EXOC8: variants seen among roughly 807,000 people sequenced by gnomAD.
EXOC8 encodes exocyst complex 84 kDa subunit.
In EXOC8, 19 loss-of-function variants were observed where a neutral mutation model predicts 50.8. The observed-to-expected ratio is 0.37, with a 90% CI of 0.26 to 0.55. The LOEUF is 0.55. Ranked by LOEUF, EXOC8 falls within the 20% of genes least tolerant of loss-of-function variation. The pLI is 0.80. For synonymous variants in EXOC8, 384 were observed against 367.9 expected (o/e 1.04, Z -0.50); for missense variants, 781 against 915.8 (o/e 0.85, Z 1.90).
chr1:231,337,196 C>T lies in EXOC8; in HGVS notation c.550G>A (p.Val184Met). The change falls in exon 1 of 1, where the codon GTG becomes ATG. Residue 184 changes from valine (V) to methionine (M), a missense_variant. Physicochemically the swap from Val to Met is conservative, Grantham distance 21. Around this residue, in one of 3 missense-constraint regions of EXOC8, gnomAD observed 700 missense variants for 804.1 expected, o/e 0.87. Transcript: ENST00000366645. The surrounding 1 kb of genome is among the most constrained non-coding windows in gnomAD (Gnocchi z 5.9). ...HLLETPGQYL[V>M]YNGDLVEYDA... The stretch of plus-strand genomic sequence containing the variant: ...TATTCCACTAGGTCCCCATTGTACA[C>T]CAAGTACTGTCCCGGCGTCTCCAGC... 6.2e-7 allele frequency: 1 copy of T among 1,614,102 alleles called. No individual in the cohort carries two copies. The highest frequency in any genetic ancestry group is 8.5e-7 in the Non-Finnish European group (1 of 1,180,036).
Position 231,336,126 on chromosome 1 carries a change from G to T in EXOC8, c.1620C>A (p.Thr540=). 6.2e-7 allele frequency: 1 copy of T among 1,614,176 alleles called. No homozygotes were observed. Among genetic ancestry groups the T allele is most frequent in the Non-Finnish European group, 8.5e-7 (1 of 1,180,034 alleles). ...QQLGDIGLDL[T]FIIHALLVKD... is the part of the protein sequence containing the mutation. ...TCACCAGAAGGGCATGGATGATGAA[G>T]GTGAGATCCAGTCCGATATCACCCA... Residue 540 remains threonine, a synonymous_variant, in exon 1 of 1, where the codon ACC becomes ACA. Coordinates refer to ENST00000366645, the MANE Select transcript of EXOC8 (RefSeq NM_175876.5). The surrounding 1 kb of genome is among the most constrained non-coding windows in gnomAD (Gnocchi z 5.4).
chr1:231,335,446 G>A lies in EXOC8; in HGVS notation c.*122C>T, dbSNP rs774473531. 6.4e-6 allele frequency: 6 copies of A among 933,246 alleles called. No individual in the cohort carries two copies. The African/African-American group carries it at 1.0e-4, about 16-fold the overall frequency. The allele number at this position is 933,246 out of a possible 1,614,324, so 57.8% of individuals were successfully genotyped here. A position where few individuals can be genotyped will look rare whatever the true frequency, so the allele number is the denominator to read the frequency against. On this transcript the variant is annotated 3_prime_UTR_variant, in exon 1 of 1. Transcript: ENST00000366645. Reference sequence around the variant, plus strand: ...CTTTTTGATTTTTGTATTTTTAAGAGGGCACTTTTAATTTTCAAGTTGTGT... The same window carrying A: ...CTTTTTGATTTTTGTATTTTTAAGAAGGCACTTTTAATTTTCAAGTTGTGT...
chr1:231,337,747 T>A lies in EXOC8; in HGVS notation c.-2A>T. 6.3e-7 allele frequency: 1 copy of A among 1,589,564 alleles called. No individual in the cohort carries two copies. The highest frequency in any genetic ancestry group is 8.6e-7 in the Non-Finnish European group (1 of 1,168,750). ...ACTGTCCGACATCGCCATCGCCATT[T>A]CTCTCCGGGTCTCACGCACTCACTG... On this transcript the variant is annotated 5_prime_UTR_variant, in exon 1 of 1. Transcript: ENST00000366645. The surrounding 1 kb of genome is among the most constrained non-coding windows in gnomAD (Gnocchi z 5.9).
In EXOC8 at chr1:231,336,561, A is replaced by C. The variant is rs1168465097; in HGVS notation, c.1185T>G (p.Val395=). 2 of 1,613,994 alleles carry C rather than the reference A, an allele frequency of 1.2e-6. No homozygotes were observed. Among genetic ancestry groups the C allele is most frequent in the Admixed American group, 3.3e-5 (2 of 59,996 alleles). The change falls in exon 1 of 1, where the codon GTT becomes GTG. Residue 395 remains valine (V), a synonymous_variant. Coordinates refer to ENST00000366645, the MANE Select transcript of EXOC8 (RefSeq NM_175876.5). The surrounding 1 kb of genome is among the most constrained non-coding windows in gnomAD (Gnocchi z 5.4). ...ERVRQLTEVL[V]FELSPDRSLR... The stretch of plus-strand genomic sequence containing the variant: ...GGGAACGATCTGGGGAGAGTTCGAA[A>C]ACTAGCACCTCAGTGAGCTGTCGAA...
In EXOC8 at chr1:231,336,665, C is replaced by T; in HGVS notation, c.1081G>A (p.Asp361Asn). 1 of 1,614,194 alleles carries T rather than the reference C, an allele frequency of 6.2e-7. No individual in the cohort carries two copies. The highest frequency in any genetic ancestry group is 8.5e-7 in the Non-Finnish European group (1 of 1,180,042). ...RDFEGAVDLL[D>N]KLNHYLEDKP... ...TCTTCCAGGTAATGGTTCAATTTAT[C>T]CAGCAGGTCAACCGCCCCTTCAAAG... The change falls in exon 1 of 1, where the codon GAT (aspartate) becomes AAT (asparagine). Residue 361 changes from aspartate to asparagine, a missense_variant. Physicochemically the swap from Asp to Asn is conservative, Grantham distance 23. Transcript: ENST00000366645. This position sits in a 1 kb window ranked among gnomAD's most constrained non-coding sequence, Gnocchi z 5.4.
rs1336690161 is a variant in EXOC8, at chr1:231,334,461, ATC to A, written c.*1105_*1106del. 6.6e-6 allele frequency: 1 copy of A among 152,216 alleles called. No homozygotes were observed. The highest frequency in any genetic ancestry group is 1.5e-5 in the Non-Finnish European group (1 of 68,042). 9.4% of individuals were successfully genotyped at this position (152,216 alleles called of 1,614,324 possible). A position where few individuals can be genotyped will look rare whatever the true frequency, so the allele number is the denominator to read the frequency against. Reference sequence around the variant, plus strand: ...GAATGGGGGAAGATGGGACAGCTATATCTCATACTGAAGCGGTGGCAGCTAAA... The same window carrying A: ...GAATGGGGGAAGATGGGACAGCTATATCATACTGAAGCGGTGGCAGCTAAA... On this transcript the variant is annotated 3_prime_UTR_variant, in exon 1 of 1. Coordinates refer to ENST00000366645, the MANE Select transcript of EXOC8 (RefSeq NM_175876.5).
At position 231,337,493 on chromosome 1, in the gene EXOC8, A is replaced by G; in HGVS notation, c.253T>C (p.Tyr85His). 6.2e-7 allele frequency: 1 copy of G among 1,613,142 alleles called. No homozygotes were observed. The highest frequency in any genetic ancestry group is 1.1e-5 in the South Asian group (1 of 91,066). ...TCGGTCAGCAAATGGCTGAGCTGGT[A>G]CATCTCGCTCTCCAGGTAGGAGATC... The part of the protein sequence containing the change: ...REISYLESEM[Y>H]QLSHLLTEQK... The change falls in exon 1 of 1, where the codon TAC becomes CAC. Residue 85 changes from tyrosine (Y) to histidine (H), a missense_variant. Coordinates refer to ENST00000366645, the MANE Select transcript of EXOC8 (RefSeq NM_175876.5). This position sits in a 1 kb window ranked among gnomAD's most constrained non-coding sequence, Gnocchi z 5.9.
In EXOC8 at chr1:231,334,894, G is replaced by A. The variant is rs1189678409; in HGVS notation, c.*674C>T. The A allele has an allele frequency of 6.6e-6, 1 of 152,026 alleles. No homozygotes were observed. The highest frequency in any genetic ancestry group is 6.5e-5 in the Admixed American group (1 of 15,274). The allele number at this position is 152,026 out of a possible 1,614,324, so 9.4% of individuals were successfully genotyped here. On this transcript the variant is annotated 3_prime_UTR_variant, in exon 1 of 1. Coordinates refer to ENST00000366645, the MANE Select transcript of EXOC8 (RefSeq NM_175876.5). ...GTTTTGAGGAGAAATATATGAGGCA[G>A]GTTGTTTTATACGGCACTGTACCCT...
Position 231,337,787 on chromosome 1 carries a change from G to C in EXOC8, c.-42C>G. The C allele has an allele frequency of 6.5e-7, 1 of 1,540,414 alleles. No individual in the cohort carries two copies. Among genetic ancestry groups the C allele is most frequent in the Non-Finnish European group, 8.7e-7 (1 of 1,145,824 alleles). On this transcript the variant is annotated 5_prime_UTR_variant, in exon 1 of 1. Coordinates refer to ENST00000366645, the MANE Select transcript of EXOC8 (RefSeq NM_175876.5). This position sits in a 1 kb window ranked among gnomAD's most constrained non-coding sequence, Gnocchi z 5.9. ...CGCACTCACTGTCACTATCGGCGCCGCAGCCGCCGCGGCTGTCTAGACCCA... is the reference window on the plus strand; with the variant it reads ...CGCACTCACTGTCACTATCGGCGCCCCAGCCGCCGCGGCTGTCTAGACCCA...
Position 231,336,305 on chromosome 1 carries a change from T to C in EXOC8, c.1441A>G (p.Thr481Ala), listed in dbSNP as rs769201213. The C allele has an allele frequency of 5.0e-6, 8 of 1,614,134 alleles. No individual in the cohort carries two copies. The South Asian group carries it at 5.5e-5, about 11-fold the overall frequency. ...AREFEIDFAG[T>A]DSGCYSAFVV... is the part of the protein sequence containing the mutation. ...AAGGCAGAGTAGCAGCCGCTGTCAGTGCCTGCAAAATCGATCTCAAATTCT... is the reference window on the plus strand; with the variant it reads ...AAGGCAGAGTAGCAGCCGCTGTCAGCGCCTGCAAAATCGATCTCAAATTCT... Residue 481 changes from threonine to alanine, a missense_variant, in exon 1 of 1, where the codon ACT (threonine) becomes GCT (alanine). Transcript: ENST00000366645. This position sits in a 1 kb window ranked among gnomAD's most constrained non-coding sequence, Gnocchi z 5.4.
Position 231,337,451 on chromosome 1 carries a change from C to G in EXOC8, c.295G>C (p.Glu99Gln). The G allele has an allele frequency of 6.2e-7, 1 of 1,611,932 alleles. No homozygotes were observed. Among genetic ancestry groups the G allele is most frequent in the East Asian group, 2.2e-5 (1 of 44,868 alleles). ...HLLTEQKSSLESIPLTLLPAA... is the reference protein window; with the variant it reads ...HLLTEQKSSLQSIPLTLLPAA... ...GGCAGCAACGTAAGCGGGATGCTCT[C>G]CAGGCTGCTTTTCTGCTCGGTCAGC... is the stretch of plus-strand genomic sequence containing the variant. The change falls in exon 1 of 1, where the codon GAG (glutamate) becomes CAG (glutamine). Residue 99 changes from glutamate (E) to glutamine (Q), a missense_variant. Physicochemically the swap from Glu to Gln is conservative, Grantham distance 29. This residue lies in a region of EXOC8 where 700 missense variants were observed against 804.1 expected (regional missense o/e 0.87). Transcript: ENST00000366645. This position sits in a 1 kb window ranked among gnomAD's most constrained non-coding sequence, Gnocchi z 5.9.
Position 231,333,879 on chromosome 1 carries a change from TCA to T in EXOC8, c.*1687_*1688del, listed in dbSNP as rs1389312666. 4 of 152,228 alleles carry T rather than the reference TCA, an allele frequency of 2.6e-5. No homozygotes were observed. Among genetic ancestry groups the T allele is most frequent in the Admixed American group, 6.5e-5 (1 of 15,286 alleles). The allele number at this position is 152,228 out of a possible 1,614,324, so 9.4% of individuals were successfully genotyped here. A position where few individuals can be genotyped will look rare whatever the true frequency, so the allele number is the denominator to read the frequency against. On this transcript the variant is annotated 3_prime_UTR_variant, in exon 1 of 1. Transcript: ENST00000366645. ...AACTACTTTAGGTTTCACATAATTT[TCA>T]CAGTCTTAGTACCACCATTTTCATT...
rs1192917986 is a variant in EXOC8 at position 231,336,746 on chromosome 1, T to C, written c.1000A>G (p.Met334Val). 6 of 1,614,094 alleles carry C rather than the reference T, an allele frequency of 3.7e-6. No homozygotes were observed. Among genetic ancestry groups the C allele is most frequent in the Middle Eastern group, 1.6e-4 (1 of 6,084 alleles). Residue 334 changes from methionine to valine, a missense_variant, in exon 1 of 1, where the codon ATG becomes GTG. Transcript: ENST00000366645. The surrounding 1 kb of genome is among the most constrained non-coding windows in gnomAD (Gnocchi z 5.4). Reference protein sequence around the residue: ...EVEEEKVDLSMEWIQELPEDL... With the variant: ...EVEEEKVDLSVEWIQELPEDL... Reference sequence around the variant, plus strand: ...TCAGGTAACTCCTGGATCCATTCCATGGAGAGGTCCACCTTCTCTTCCTCT... The same window carrying C: ...TCAGGTAACTCCTGGATCCATTCCACGGAGAGGTCCACCTTCTCTTCCTCT...
Position 231,336,611 on chromosome 1 carries a change from G to A in EXOC8, c.1135C>T (p.Leu379=). ...DKPSPPPVKE[L]RAKVEERVRQ... is the part of the protein sequence containing the mutation. ...ACTCGCTCCTCCACTTTGGCCCTTAGTTCTTTTACAGGAGGTGGGCTAGGT... is the reference window on the plus strand; with the variant it reads ...ACTCGCTCCTCCACTTTGGCCCTTAATTCTTTTACAGGAGGTGGGCTAGGT... The change falls in exon 1 of 1, where the codon CTA becomes TTA. Residue 379 remains leucine (L), a synonymous_variant. Transcript: ENST00000366645. This position sits in a 1 kb window ranked among gnomAD's most constrained non-coding sequence, Gnocchi z 5.4. The A allele has an allele frequency of 3.1e-6, 5 of 1,614,126 alleles. No homozygotes were observed. Among genetic ancestry groups the A allele is most frequent in the Non-Finnish European group, 4.2e-6 (5 of 1,180,030 alleles).
rs1318292185 is a variant in EXOC8, at chr1:231,336,348, G to A, written c.1398C>T (p.Ser466=). ...IHKLCHVFFT[S]LLETAREFEI... ...CAAATTCTCTTGCAGTCTCGAGAAG[G>A]CTGGTAAAGAAGACATGGCACAGCT... Residue 466 remains serine, a synonymous_variant, in exon 1 of 1, where the codon AGC becomes AGT. Coordinates refer to ENST00000366645, the MANE Select transcript of EXOC8 (RefSeq NM_175876.5). This position sits in a 1 kb window ranked among gnomAD's most constrained non-coding sequence, Gnocchi z 5.4. 6.2e-7 allele frequency: 1 copy of A among 1,614,086 alleles called. No homozygotes were observed. The highest frequency in any genetic ancestry group is 1.7e-5 in the Admixed American group (1 of 60,028).
Position 231,335,449 on chromosome 1 carries a change from C to T in EXOC8, c.*119G>A, listed in dbSNP as rs1686644597. 1 of 951,926 alleles carries T rather than the reference C, an allele frequency of 1.1e-6. No individual in the cohort carries two copies. Among genetic ancestry groups the T allele is most frequent in the Non-Finnish European group, 1.4e-6 (1 of 720,026 alleles). The allele number at this position is 951,926 out of a possible 1,614,324, so 59.0% of individuals were successfully genotyped here. ...TTTGATTTTTGTATTTTTAAGAGGGCACTTTTAATTTTCAAGTTGTGTTTG... is the reference window on the plus strand; with the variant it reads ...TTTGATTTTTGTATTTTTAAGAGGGTACTTTTAATTTTCAAGTTGTGTTTG... On this transcript the variant is annotated 3_prime_UTR_variant, in exon 1 of 1. Transcript: ENST00000366645.
rs1244274044 is a variant in EXOC8 at position 231,337,776 on chromosome 1, C to T, written c.-31G>A. On this transcript the variant is annotated 5_prime_UTR_variant, in exon 1 of 1. The change creates a new upstream start codon in the 5' untranslated region. Transcript: ENST00000366645. This position sits in a 1 kb window ranked among gnomAD's most constrained non-coding sequence, Gnocchi z 5.9. The stretch of plus-strand genomic sequence containing the variant: ...TCCGGGTCTCACGCACTCACTGTCA[C>T]TATCGGCGCCGCAGCCGCCGCGGCT... 1.3e-6 allele frequency: 2 copies of T among 1,549,934 alleles called. No individual in the cohort carries two copies. Among genetic ancestry groups the T allele is most frequent in the African/African-American group, 1.4e-5 (1 of 72,546 alleles).
chr1:231,336,152 G>C lies in EXOC8; in HGVS notation c.1594C>G (p.Leu532Val). 6.2e-7 allele frequency: 1 copy of C among 1,614,170 alleles called. No individual in the cohort carries two copies. Among genetic ancestry groups the C allele is most frequent in the Non-Finnish European group, 8.5e-7 (1 of 1,180,030 alleles). ...GTGAGATCCAGTCCGATATCACCCA[G>C]TTGCTGGCAATGCTCCTTAGCCACT... ...VKVAKEHCQQ[L>V]GDIGLDLTFI... Residue 532 changes from leucine to valine, a missense_variant, in exon 1 of 1, where the codon CTG (leucine) becomes GTG (valine). Leu to Val is a conservative substitution (Grantham distance 32, BLOSUM62 1). This residue lies in a region of EXOC8 where 700 missense variants were observed against 804.1 expected (regional missense o/e 0.87). Coordinates refer to ENST00000366645, the MANE Select transcript of EXOC8 (RefSeq NM_175876.5). The surrounding 1 kb of genome is among the most constrained non-coding windows in gnomAD (Gnocchi z 5.4).
At position 231,337,777 on chromosome 1, in the gene EXOC8, T is replaced by C; in HGVS notation, c.-32A>G. The C allele has an allele frequency of 6.5e-7, 1 of 1,548,710 alleles. No individual in the cohort carries two copies. The highest frequency in any genetic ancestry group is 8.7e-7 in the Non-Finnish European group (1 of 1,149,640). On this transcript the variant is annotated 5_prime_UTR_variant, in exon 1 of 1. It adds an upstream start codon to the 5' untranslated region. Transcript: ENST00000366645. The surrounding 1 kb of genome is among the most constrained non-coding windows in gnomAD (Gnocchi z 5.9). ...CCGGGTCTCACGCACTCACTGTCAC[T>C]ATCGGCGCCGCAGCCGCCGCGGCTG...
Sources: allele counts gnomAD v4.1 joint callset, GRCh38; gene constraint gnomAD v4.1.1; regional missense constraint gnomAD v4.1.1; non-coding constraint Gnocchi (gnomAD v3.1); transcripts MANE v1.5; gene names NCBI Gene and HGNC (gene_info 2026-07-23, HGNC 2026-07-21).